Variants in LRFN2 observed in about 807,000 individuals in gnomAD.
LRFN2 encodes leucine rich repeat and fibronectin type III domain containing 2, also known as leucine-rich repeat and fibronectin type-III domain-containing protein 2.
A neutral mutation model predicts 37.3 loss-of-function variants in LRFN2; 18 were observed. The ratio of observed to expected loss-of-function variants is 0.48; its 90% CI spans 0.33 to 0.72. LRFN2 has a LOEUF of 0.72. Among genes scored for constraint, LRFN2 ranks in the 30% least tolerant of loss-of-function variants. LRFN2 has a pLI of 0.02. For missense variants in LRFN2, 1,006 were observed against 1,060.7 expected (o/e 0.95, Z 0.72); for synonymous variants, 556 against 466.6 (o/e 1.19, Z -2.47).
intron 1 of LRFN2, among the ~76,000 whole-genome samples, chr6:40,586,650 C>G (rs986367024): frequency 1.2e-4 from 19 of 152,162 alleles, no homozygotes; most frequent in African/African-American, 4.1e-4. Context: ...CGTGGCTCCC[C>G]GTCTCTCCAT....
Position 40,392,245 on chromosome 6 carries a change from C to T in LRFN2, c.2068G>A (p.Gly690Ser). 1 of 1,576,254 alleles carries T rather than the reference C, an allele frequency of 6.3e-7. No individual in the cohort carries two copies. Among genetic ancestry groups the T allele is most frequent in the Non-Finnish European group, 8.6e-7 (1 of 1,163,694 alleles). The change falls in exon 3 of 3, where the codon GGC (glycine) becomes AGC (serine). Residue 690 changes from glycine to serine, a missense_variant. Gly to Ser is a moderately conservative substitution (Grantham distance 56). Around this residue, in one of 4 missense-constraint regions of LRFN2, gnomAD observed 398 missense variants for 327.6 expected, o/e 1.21. Transcript: ENST00000338305. This position sits in a 1 kb window ranked among gnomAD's most constrained non-coding sequence, Gnocchi z 4.7. ...AGRGAGTSARGHHSDREPLLG... is the reference protein window; with the variant it reads ...AGRGAGTSARSHHSDREPLLG... ...AGTGGCTCTCGGTCCGAGTGGTGGC[C>T]CCGGGCCGACGTCCCAGCCCCTCTC...
chr6:40,420,826 A>C (rs574523661), intron 2 of LRFN2, among the ~76,000 whole-genome samples: 1 of 152,228 alleles, frequency 6.6e-6, no homozygotes, highest in Non-Finnish European at 1.5e-5. Context: ...GGATTTGAAT[A>C]CAAGTAGTTT....
intron 1 of LRFN2, among the ~76,000 whole-genome samples, chr6:40,434,482 C>CTT (rs112476329): frequency 2.1e-5 from 3 of 141,678 alleles, no homozygotes; most frequent in African/African-American, 2.6e-5. Flanking sequence ...CTTTTTTTTT[C>CTT]TTTTTTTTTT....
chr6:40,410,716 C>T (rs1033338339), intron 2 of LRFN2, among the ~76,000 whole-genome samples: 14 of 152,198 alleles, frequency 9.2e-5, no homozygotes, highest in Non-Finnish European at 1.8e-4. Flanking sequence ...ATTCCACCCA[C>T]CTCGCAGCAG....
chr6:40,411,361 G>A (rs1178044455), intron 2 of LRFN2, among the ~76,000 whole-genome samples: 1 of 152,054 alleles, frequency 6.6e-6, no homozygotes, highest in Non-Finnish European at 1.5e-5. Flanking sequence ...GCCAGTGTGT[G>A]CGTGTAGGTA....
chr6:40,474,774 G>A (rs1764674421), intron 1 of LRFN2, among the ~76,000 whole-genome samples: 1 of 152,148 alleles, frequency 6.6e-6, no homozygotes, highest in South Asian at 2.1e-4. Context: ...ACAGTTGTGA[G>A]TCACTGCACC....
intron 1 of LRFN2, among the ~76,000 whole-genome samples, chr6:40,544,620 C>T (rs1219403643): frequency 1.3e-5 from 2 of 152,198 alleles, no homozygotes; most frequent in African/African-American, 4.8e-5. Context: ...CCAATGCCCT[C>T]CTGTAACAGA....
At chr6:40,476,148 C>T (rs1219419410) in intron 1 of LRFN2, among the ~76,000 whole-genome samples, 2 of 152,128 alleles carry the variant, frequency 1.3e-5, no homozygotes, top group African/African-American at 4.8e-5. Flanking sequence ...GTACCTTAGT[C>T]AGACTGGGCC....
chr6:40,584,108 T>C (rs183951457), intron 1 of LRFN2, among the ~76,000 whole-genome samples: 16 of 152,226 alleles, frequency 1.1e-4, no homozygotes, highest in Admixed American at 9.2e-4. Context: ...CTTTTAACAA[T>C]CAGCTTATGT....
intron 1 of LRFN2, among the ~76,000 whole-genome samples, chr6:40,520,938 G>C (rs1456697144): frequency 1.3e-5 from 2 of 152,124 alleles, no homozygotes; most frequent in African/African-American, 2.4e-5. Flanking sequence ...GGCAAGCTGA[G>C]AGTTAGAGGA....
intron 1 of LRFN2, among the ~76,000 whole-genome samples, chr6:40,549,813 G>C (rs539639002): frequency 6.6e-6 from 1 of 152,010 alleles, no homozygotes; most frequent in African/African-American, 2.4e-5. Flanking sequence ...CGAGGCAGGC[G>C]GATCACCTGA....
rs539666480 is a variant in LRFN2, at chr6:40,508,735, G to A, written c.-18-75604C>T. On this transcript the variant is annotated intron_variant, in intron 1 of 2. Transcript: ENST00000338305. ...TAAAGCTGTGCTTGGCATGACATTA[G>A]TGTTCCATAAATGCTCAAATATGCC... Among the ~76,000 whole-genome samples the A allele has an allele frequency of 3.3e-5, 5 of 152,304 alleles. No individual in the cohort carries two copies. In the South Asian group the frequency reaches 1.0e-3, roughly 32 times the overall value.
intron 1 of LRFN2, among the ~76,000 whole-genome samples, chr6:40,511,227 A>G (rs1005115531): frequency 6.6e-6 from 1 of 152,264 alleles, no homozygotes; most frequent in South Asian, 2.1e-4. Flanking sequence ...GCCTGTGCTA[A>G]AAGTTCTACA....
Position 40,562,328 on chromosome 6 carries a change from A to G in LRFN2, c.-19+24613T>C, listed in dbSNP as rs544736867. ...GGGAAGTACACGCTGCCTAAGGACC[A>G]CAGAGGAGGGGCACCTGTCTAATGC... On this transcript the variant is annotated intron_variant, in intron 1 of 2. Coordinates refer to ENST00000338305, the MANE Select transcript of LRFN2 (RefSeq NM_020737.3). Among the ~76,000 whole-genome samples the G allele has an allele frequency of 3.9e-5, 6 of 152,226 alleles. No homozygotes were observed. In the South Asian group the frequency reaches 1.2e-3, roughly 32 times the overall value.
At chr6:40,429,345 C>T (rs1461808446) in intron 2 of LRFN2, among the ~76,000 whole-genome samples, 1 of 152,226 alleles carries the variant, frequency 6.6e-6, no homozygotes, top group Non-Finnish European at 1.5e-5. Context: ...TGGCATCCAA[C>T]ATCTTCTCTC....
At position 40,532,856 on chromosome 6, in the gene LRFN2, C is replaced by T. The variant is rs563738974; in HGVS notation, c.-19+54085G>A. On this transcript the variant is annotated intron_variant, in intron 1 of 2. Coordinates refer to ENST00000338305, the MANE Select transcript of LRFN2 (RefSeq NM_020737.3). ...GAGCCCCCAGCAGGTGGGTACTGAA[C>T]ACAATACAATGATAATAACAGCAAG... 2.6e-5 allele frequency among the ~76,000 whole-genome samples: 4 copies of T among 152,316 alleles called. No individual in the cohort carries two copies. The South Asian group carries it at 8.3e-4, about 32-fold the overall frequency.
intron 1 of LRFN2, among the ~76,000 whole-genome samples, chr6:40,581,834 T>C (rs1007246388): frequency 6.6e-6 from 1 of 152,152 alleles, no homozygotes; most frequent in African/African-American, 2.4e-5. Flanking sequence ...AGTGGCCACA[T>C]TTCATATGTT....
At chr6:40,562,397 G>A (rs1043659386) in intron 1 of LRFN2, among the ~76,000 whole-genome samples, 2 of 151,940 alleles carry the variant, frequency 1.3e-5, no homozygotes, top group Non-Finnish European at 2.9e-5. Flanking sequence ...GGATGAGTAG[G>A]AATATAGAAA....
In LRFN2 at chr6:40,495,497, A is replaced by T. The variant is rs1765203902; in HGVS notation, c.-18-62366T>A. Among the ~76,000 whole-genome samples the T allele has an allele frequency of 2.0e-5, 3 of 152,126 alleles. No homozygotes were observed. In the East Asian group the frequency reaches 5.8e-4, roughly 29 times the overall value. On this transcript the variant is annotated intron_variant, in intron 1 of 2. Transcript: ENST00000338305. ...ACTCCTACTTTTCCATGAAACAGGC[A>T]TTGTTCAGGATCACCTCTGACCACC...
Sources: gnomAD v4.1 joint callset for allele counts (sites outside exome capture counted in the v4.1 genomes callset) on GRCh38, gnomAD v4.1.1 for gene constraint, gnomAD v4.1.1 regional missense constraint, Gnocchi (gnomAD v3.1) non-coding constraint, MANE v1.5 for transcripts, NCBI Gene and HGNC (gene_info 2026-07-23, HGNC 2026-07-21) for gene names.